VOPP1: variants seen among roughly 807,000 people sequenced by gnomAD.
VOPP1 encodes VOPP1 WW domain binding protein, also known as WW domain binding protein VOPP1.
VOPP1 carries 8 observed loss-of-function variants against 23.5 expected under a neutral mutation model. The ratio of observed to expected loss-of-function variants is 0.34; its 90% CI spans 0.20 to 0.61. The LOEUF (loss-of-function observed/expected upper bound fraction) is 0.61, where lower values mean the gene tolerates loss of function less well. Among genes scored for constraint, VOPP1 ranks in the 20% least tolerant of loss-of-function variants. The pLI, the probability that VOPP1 is intolerant of heterozygous loss-of-function variation, is 0.78. For synonymous variants in VOPP1, 83 were observed against 97.3 expected (o/e 0.85, Z 0.86); for missense variants, 174 against 238.1 (o/e 0.73, Z 1.77).
intron 4 of VOPP1, among the ~76,000 whole-genome samples, chr7:55,486,519 A>C (rs574089476): frequency 3.9e-4 from 59 of 152,282 alleles, no homozygotes; most frequent in Non-Finnish European, 7.9e-4. Flanking sequence ...AGAATGTCAG[A>C]TGCACAGAGC....
chr7:55,438,510 G>A (rs778422262), intron 4 of VOPP1, among the ~76,000 whole-genome samples: 8 of 152,112 alleles, frequency 5.3e-5, no homozygotes, highest in Admixed American at 6.5e-5. Context: ...GAAATAGAAC[G>A]GTAACCATGA....
intron 4 of VOPP1, among the ~76,000 whole-genome samples, chr7:55,474,197 G>C (rs1278152393): frequency 2.0e-5 from 3 of 152,250 alleles, no homozygotes; most frequent in Admixed American, 2.0e-4. Context: ...CCACCTGAGT[G>C]AGATGCCGTG....
At chr7:55,490,855 G>A (rs2129018446) in intron 4 of VOPP1, among the ~76,000 whole-genome samples, 1 of 152,290 alleles carries the variant, frequency 6.6e-6, no homozygotes. Flanking sequence ...ATTTTTCTGA[G>A]CAACATTTTT....
intron 3 of VOPP1, 93 bp from the exon 4 acceptor site, chr7:55,492,511 G>A (rs2129019785): frequency 1.4e-6 from 2 of 1,405,258 alleles, no homozygotes; most frequent in Non-Finnish European, 1.9e-6. Flanking sequence ...CTCCTCGGGG[G>A]TCCGGGACCA....
chr7:55,493,586 G>A (rs1334401641), intron 3 of VOPP1, among the ~76,000 whole-genome samples: 4 of 152,202 alleles, frequency 2.6e-5, no homozygotes, highest in Non-Finnish European at 5.9e-5. Context: ...CTGAAACTGT[G>A]GCCTTTGTCA....
chr7:55,532,260 T>C (rs1179520621), intron 1 of VOPP1, among the ~76,000 whole-genome samples: 1 of 152,238 alleles, frequency 6.6e-6, no homozygotes, highest in Non-Finnish European at 1.5e-5. Flanking sequence ...GCCGCATGCC[T>C]GCTTCTGTGC....
chr7:55,439,846 T>C (rs747299286), intron 4 of VOPP1, among the ~76,000 whole-genome samples: 6 of 152,256 alleles, frequency 3.9e-5, no homozygotes, highest in African/African-American at 1.4e-4. Flanking sequence ...AGGAGGAGAA[T>C]GAATGAGCTG....
chr7:55,525,393 T>A (rs1417802530), intron 1 of VOPP1, among the ~76,000 whole-genome samples: 6 of 150,414 alleles, frequency 4.0e-5, no homozygotes, highest in Admixed American at 4.0e-4. Context: ...GGAGACTGAG[T>A]CAGGAGAATG....
chr7:55,514,179 G>C (rs1795257674), intron 2 of VOPP1, among the ~76,000 whole-genome samples: 1 of 152,234 alleles, frequency 6.6e-6, no homozygotes, highest in South Asian at 2.1e-4. Context: ...TGGCAAGCAG[G>C]CTGGACCCTT....
At chr7:55,502,034 T>C (rs1027086010) in intron 2 of VOPP1, among the ~76,000 whole-genome samples, 1 of 152,264 alleles carries the variant, frequency 6.6e-6, no homozygotes, top group Non-Finnish European at 1.5e-5. Context: ...TATACACTAA[T>C]AAATTTAGTG....
At chr7:55,535,125 AC>A (rs1395083324) in intron 1 of VOPP1, among the ~76,000 whole-genome samples, 2 of 151,952 alleles carry the variant, frequency 1.3e-5, no homozygotes, top group South Asian at 2.1e-4. Flanking sequence ...CTGCCCCTAA[AC>A]CTCTCAGCAG....
downstream of VOPP1, among the ~76,000 whole-genome samples, chr7:55,468,271 GAAAAAAA>G (rs747918983): frequency 3.7e-5 from 2 of 54,228 alleles, no homozygotes; most frequent in African/African-American, 5.9e-5. Context: ...CTTCGTCTCA[GAAAAAAA>G]AAAAAAAAAA....
At chr7:55,501,195 G>A (rs1359577061) in intron 2 of VOPP1, among the ~76,000 whole-genome samples, 3 of 152,206 alleles carry the variant, frequency 2.0e-5, no homozygotes, top group Admixed American at 6.5e-5. Context: ...TCAGCAATGC[G>A]CTACAATTAG....
chr7:55,503,698 T>C (rs1794522123), intron 2 of VOPP1, among the ~76,000 whole-genome samples: 2 of 152,260 alleles, frequency 1.3e-5, no homozygotes, highest in South Asian at 4.1e-4. Context: ...TGGGGGTCTC[T>C]GTAAGAAGAG....
chr7:55,470,480 G>A (rs1018389863), downstream of VOPP1: 12 of 152,048 alleles, frequency 7.9e-5, no homozygotes, highest in African/African-American at 2.7e-4. Context: ...TCTAGTTTCT[G>A]GTTCCCCTGA....
intron 2 of VOPP1, among the ~76,000 whole-genome samples, chr7:55,516,925 T>C (rs1562947391): frequency 7.1e-4 from 32 of 45,094 alleles, no homozygotes; most frequent in African/African-American, 3.4e-3. Context: ...TATATATATA[T>C]ATATATATTT....
intron 2 of VOPP1, among the ~76,000 whole-genome samples, chr7:55,511,058 T>C (rs1795038814): frequency 6.6e-6 from 1 of 152,358 alleles, no homozygotes; most frequent in Admixed American, 6.5e-5. Flanking sequence ...CTCATTCCTC[T>C]ATGCATAGTC....
At chr7:55,486,681 G>T (rs1360265503) in intron 4 of VOPP1, among the ~76,000 whole-genome samples, 1 of 152,208 alleles carries the variant, frequency 6.6e-6, no homozygotes, top group African/African-American at 2.4e-5. Context: ...CTGCCATCAG[G>T]GATGAACAGG....
Position 55,488,646 on chromosome 7 carries a change from G to C in VOPP1, c.328+3636C>G, listed in dbSNP as rs181773317. ...GCTGGTCCCAGCAGGAGCGCCATGC[G>C]AGCCCCCCTACACCCCAGAATATGA... On this transcript the variant is annotated intron_variant, in intron 4 of 4. Coordinates refer to ENST00000285279, the MANE Select transcript of VOPP1 (RefSeq NM_030796.5). Among the ~76,000 whole-genome samples the C allele has an allele frequency of 1.9e-3, 294 of 152,130 alleles. 1 individual carries two copies. Among genetic ancestry groups the C allele is most frequent in the African/African-American group, 6.7e-3 (279 of 41,510 alleles).
Sources: allele counts gnomAD v4.1 joint callset (sites outside exome capture counted in the v4.1 genomes callset), GRCh38; gene constraint gnomAD v4.1.1; transcripts MANE v1.5; gene names NCBI Gene and HGNC (gene_info 2026-07-23, HGNC 2026-07-21).